Variants in PCDH9 observed in about 807,000 individuals in gnomAD.
PCDH9 encodes the protein protocadherin-9.
A neutral mutation model predicts 70.6 loss-of-function variants in PCDH9; 24 were observed. The observed-to-expected ratio is 0.34, with a 90% CI of 0.25 to 0.48. The LOEUF (loss-of-function observed/expected upper bound fraction) is 0.48. Ranked by LOEUF, PCDH9 falls within the 20% of genes least tolerant of loss-of-function variation. PCDH9 has a pLI of 0.99. For missense variants in PCDH9, 1,281 were observed against 1,503.6 expected, an observed-to-expected ratio of 0.85 and a Z score of 2.45; for synonymous variants, 562 against 558.5, an observed-to-expected ratio of 1.01 and a Z score of -0.09.
chr13:66,504,430 T>A (rs1226737680), intron 4 of PCDH9, among the ~76,000 whole-genome samples: 7 of 152,184 alleles, frequency 4.6e-5, no homozygotes, highest in African/African-American at 1.7e-4. Flanking sequence ...AGTGAGGTCA[T>A]CATAGTCCCC....
intron 4 of PCDH9, among the ~76,000 whole-genome samples, chr13:66,361,626 T>C (rs565252561): frequency 2.2e-4 from 33 of 152,226 alleles, no homozygotes; most frequent in African/African-American, 7.9e-4. Context: ...TTAAAGCATA[T>C]ATTTCAGGAT....
chr13:67,098,860 G>A (rs1354845826), intron 2 of PCDH9, among the ~76,000 whole-genome samples: 1 of 152,026 alleles, frequency 6.6e-6, no homozygotes, highest in Non-Finnish European at 1.5e-5. Flanking sequence ...AAACACAGCA[G>A]TGAAACAAAA....
chr13:66,341,096 C>T (rs1956116005), intron 4 of PCDH9, among the ~76,000 whole-genome samples: 1 of 151,940 alleles, frequency 6.6e-6, no homozygotes, highest in African/African-American at 2.4e-5. Context: ...ATGAAAATGA[C>T]TTGCTTTATT....
At chr13:67,156,658 A>G (rs2087821703) in intron 2 of PCDH9, among the ~76,000 whole-genome samples, 1 of 152,196 alleles carries the variant, frequency 6.6e-6, no homozygotes, top group Non-Finnish European at 1.5e-5. Flanking sequence ...CGGTACACAA[A>G]GGCGAGAAAC....
At chr13:66,976,558 C>T (rs1027176098) in intron 2 of PCDH9, among the ~76,000 whole-genome samples, 1 of 151,976 alleles carries the variant, frequency 6.6e-6, no homozygotes, top group African/African-American at 2.4e-5. Flanking sequence ...GTCTTATTAC[C>T]ATACATACAA....
chr13:66,876,258 A>G (rs1009984745), intron 3 of PCDH9, among the ~76,000 whole-genome samples: 9 of 152,168 alleles, frequency 5.9e-5, no homozygotes, highest in Admixed American at 5.9e-4. Flanking sequence ...AAGAAAGTAA[A>G]AAAAAATATT....
chr13:66,652,248 C>CA (rs1463023741), intron 3 of PCDH9, among the ~76,000 whole-genome samples: 2 of 151,738 alleles, frequency 1.3e-5, no homozygotes, highest in East Asian at 3.9e-4. Context: ...AAGACTCAAT[C>CA]AAAAAATGAT....
At chr13:66,358,428 A>G (rs184550583) in intron 4 of PCDH9, among the ~76,000 whole-genome samples, 47 of 152,138 alleles carry the variant, frequency 3.1e-4, no homozygotes, top group Admixed American at 1.7e-3. Flanking sequence ...TATATGAGGT[A>G]TGCAAAGGAA....
At chr13:66,422,276 C>T (rs894051005) in intron 4 of PCDH9, among the ~76,000 whole-genome samples, 2 of 152,138 alleles carry the variant, frequency 1.3e-5, no homozygotes, top group African/African-American at 4.8e-5. Context: ...CAAGGATATT[C>T]GGGACTTCAA....
At chr13:66,815,177 A>G (rs552625570) in intron 3 of PCDH9, among the ~76,000 whole-genome samples, 69 of 152,306 alleles carry the variant, frequency 4.5e-4, no homozygotes, top group African/African-American at 1.5e-3. Context: ...AAACATGCTC[A>G]ACATCACCAA....
At chr13:67,005,857 G>T (rs754220481) in intron 2 of PCDH9, among the ~76,000 whole-genome samples, 1 of 152,152 alleles carries the variant, frequency 6.6e-6, no homozygotes, top group Non-Finnish European at 1.5e-5. Context: ...AGCCAGAATG[G>T]CCTTAGACAG....
intron 4 of PCDH9, among the ~76,000 whole-genome samples, chr13:66,310,680 T>C (rs1305516309): frequency 6.6e-6 from 1 of 152,050 alleles, no homozygotes; most frequent in Non-Finnish European, 1.5e-5. Flanking sequence ...TTTCTATGAA[T>C]AAATTTTTCT....
At chr13:66,923,109 CTAAA>C (rs1214131784) in intron 2 of PCDH9, among the ~76,000 whole-genome samples, 1 of 151,406 alleles carries the variant, frequency 6.6e-6, no homozygotes, top group East Asian at 1.9e-4. Flanking sequence ...TTGATAAAAA[CTAAA>C]TACTTGGTGA....
chr13:66,600,765 C>CGTGT (rs10579707), intron 4 of PCDH9, among the ~76,000 whole-genome samples: 16,737 of 132,936 alleles, frequency 0.13, 2,424 homozygotes, highest in Middle Eastern at 0.21. Context: ...TAATTAAGAA[C>CGTGT]GTGTGTGTGT....
chr13:66,366,687 T>C (rs1458050329), intron 4 of PCDH9, among the ~76,000 whole-genome samples: 1 of 152,074 alleles, frequency 6.6e-6, no homozygotes, highest in African/African-American at 2.4e-5. Context: ...TCAGAGAGCA[T>C]TTCGTAGTTC....
intron 3 of PCDH9, among the ~76,000 whole-genome samples, chr13:66,745,483 C>T (rs2139212434): frequency 6.6e-6 from 1 of 152,114 alleles, no homozygotes; most frequent in East Asian, 1.9e-4. Flanking sequence ...AGGAATGAGC[C>T]GGTTCAAACA....
At chr13:66,750,819 C>T (rs1282929763) in intron 3 of PCDH9, among the ~76,000 whole-genome samples, 1 of 151,858 alleles carries the variant, frequency 6.6e-6, no homozygotes, top group South Asian at 2.1e-4. Context: ...ACCCATAAAA[C>T]ATTAGCAAAA....
chr13:66,350,487 T>C (rs1180673678), intron 4 of PCDH9, among the ~76,000 whole-genome samples: 2 of 152,156 alleles, frequency 1.3e-5, no homozygotes, highest in Non-Finnish European at 2.9e-5. Context: ...CAGCCGTTAG[T>C]CTTCAGCCCT....
intron 3 of PCDH9, among the ~76,000 whole-genome samples, chr13:66,696,330 CTAA>C (rs1176045716): frequency 2.6e-5 from 4 of 152,116 alleles, no homozygotes; most frequent in African/African-American, 9.7e-5. Context: ...ATGTACTTTT[CTAA>C]TAATTATTCA....
Sources: gnomAD v4.1 joint callset for allele counts (sites outside exome capture counted in the v4.1 genomes callset) on GRCh38, gnomAD v4.1.1 for gene constraint, MANE v1.5 for transcripts, NCBI Gene and HGNC (gene_info 2026-07-23, HGNC 2026-07-21) for gene names.